SYT1: variants seen among roughly 807,000 people sequenced by gnomAD.
SYT1 encodes synaptotagmin 1.
In SYT1, 8 loss-of-function variants were observed where a neutral mutation model predicts 44.8. That is an observed-to-expected ratio of 0.18 (90% CI 0.10 to 0.32). The LOEUF is 0.32. Ranked by LOEUF, SYT1 falls within the 10% of genes least tolerant of loss-of-function variation. The probability of loss-of-function intolerance (pLI) is 1.00; values close to 1 mark genes in which losing one functional copy is unlikely to be tolerated. For missense variants in SYT1, 286 were observed against 509.3 expected (o/e 0.56, Z 4.22); for synonymous variants, 154 against 188.8 (o/e 0.82, Z 1.51).
chr12:79,382,228 A>G lies in SYT1; in HGVS notation c.928+28609A>G, dbSNP rs370420262. Among the ~76,000 whole-genome samples the G allele has an allele frequency of 2.5e-4, 38 of 152,274 alleles. No homozygotes were observed. The East Asian group carries it at 3.5e-3, about 14-fold the overall frequency. On this transcript the variant is annotated intron_variant, in intron 9 of 10. Transcript: ENST00000261205. The stretch of plus-strand genomic sequence containing the variant: ...AGGTTGAAGTGGAAGGCATTTCTTG[A>G]AAATATGATGCCTTTGCCTATAATG...
chr12:79,301,549 G>C (rs1307354454), intron 8 of SYT1, among the ~76,000 whole-genome samples: 2 of 152,072 alleles, frequency 1.3e-5, no homozygotes, highest in Non-Finnish European at 2.9e-5. Flanking sequence ...AAATAGAATA[G>C]AACATGAAGT....
chr12:79,012,030 G>A (rs545638163), intron 2 of SYT1, among the ~76,000 whole-genome samples: 257 of 151,742 alleles, frequency 1.7e-3, no homozygotes, highest in African/African-American at 5.9e-3. Flanking sequence ...TACTCGGGAG[G>A]CTGAGGCAGG....
intron 4 of SYT1, among the ~76,000 whole-genome samples, chr12:79,235,650 T>A (rs1246989624): frequency 6.7e-5 from 10 of 148,692 alleles, no homozygotes; most frequent in Non-Finnish European, 1.3e-4. Context: ...ATATAATGAT[T>A]ATATATAATG....
intron 9 of SYT1, among the ~76,000 whole-genome samples, chr12:79,426,698 C>T (rs939276715): frequency 2.0e-5 from 3 of 152,194 alleles, no homozygotes; most frequent in Non-Finnish European, 4.4e-5. Flanking sequence ...TACAGCCACA[C>T]AACAGAATGT....
At chr12:79,328,569 G>A (rs1240009985) in intron 8 of SYT1, among the ~76,000 whole-genome samples, 6 of 152,054 alleles carry the variant, frequency 3.9e-5, no homozygotes, top group East Asian at 1.9e-4. Flanking sequence ...ACTCATGGCC[G>A]GGTGCGGTGG....
chr12:79,340,986 A>T (rs959633340), intron 8 of SYT1, among the ~76,000 whole-genome samples: 1 of 152,142 alleles, frequency 6.6e-6, no homozygotes, highest in Non-Finnish European at 1.5e-5. Flanking sequence ...CTACAATTTT[A>T]TGTTGAATTT....
At position 79,291,517 on chromosome 12, in the gene SYT1, G is replaced by A. The variant is rs375147092; in HGVS notation, c.352-491G>A. 3.8e-4 allele frequency among the ~76,000 whole-genome samples: 58 copies of A among 152,218 alleles called. No individual in the cohort carries two copies. The South Asian group carries it at 0.012, about 30-fold the overall frequency. Reference sequence around the variant, plus strand: ...ACACAGGGAATTTAAATTTTCTGAGGATCATTACTGAACTATCTTTTTCAT... The same window carrying A: ...ACACAGGGAATTTAAATTTTCTGAGAATCATTACTGAACTATCTTTTTCAT... On this transcript the variant is annotated intron_variant, in intron 5 of 10. Coordinates refer to ENST00000261205, the MANE Select transcript of SYT1 (RefSeq NM_005639.3).
chr12:78,921,929 A>G (rs1877028854), intron 1 of SYT1, among the ~76,000 whole-genome samples: 1 of 151,934 alleles, frequency 6.6e-6, no homozygotes, highest in African/African-American at 2.4e-5. Context: ...AACCAGTAGA[A>G]GAGCAAATTT....
intron 1 of SYT1, among the ~76,000 whole-genome samples, chr12:78,878,975 T>A (rs897271405): frequency 1.1e-4 from 17 of 151,800 alleles, no homozygotes; most frequent in Non-Finnish European, 1.8e-4. Context: ...TTACCAGCAA[T>A]TATCTACTCT....
At chr12:79,216,761 G>A (rs1165424645) in intron 3 of SYT1, among the ~76,000 whole-genome samples, 1 of 151,994 alleles carries the variant, frequency 6.6e-6, no homozygotes, top group Non-Finnish European at 1.5e-5. Context: ...AATTAAATAA[G>A]CTAAATAAAG....
At chr12:79,305,855 C>T (rs1395260326) in intron 8 of SYT1, among the ~76,000 whole-genome samples, 2 of 152,110 alleles carry the variant, frequency 1.3e-5, no homozygotes, top group African/African-American at 4.8e-5. Context: ...TGCCACCATG[C>T]CCAGCTATTT....
At chr12:79,336,734 A>G (rs1882106832) in intron 8 of SYT1, among the ~76,000 whole-genome samples, 1 of 152,182 alleles carries the variant, frequency 6.6e-6, no homozygotes, top group Non-Finnish European at 1.5e-5. Context: ...GGCTCAAGCA[A>G]TCCTTCCACC....
intron 2 of SYT1, among the ~76,000 whole-genome samples, chr12:79,013,725 T>G (rs952448187): frequency 4.6e-5 from 7 of 152,224 alleles, no homozygotes; most frequent in Non-Finnish European, 8.8e-5. Flanking sequence ...ACTTTTATTC[T>G]AGATAGTTAT....
intron 1 of SYT1, among the ~76,000 whole-genome samples, chr12:78,941,521 A>G (rs1878375962): frequency 2.0e-5 from 3 of 152,114 alleles, no homozygotes; most frequent in Non-Finnish European, 4.4e-5. Context: ...CATCTACTGC[A>G]TGCTTTGCAA....
intron 2 of SYT1, among the ~76,000 whole-genome samples, chr12:79,026,667 T>TTTATATATATATATATATA (rs1298013189): frequency 3.9e-5 from 4 of 102,254 alleles, no homozygotes; most frequent in African/African-American, 7.6e-5. Context: ...CATATATATT[T>TTTATATATATATATATATA]TATATATATA....
chr12:79,373,253 T>A (rs567179817), intron 9 of SYT1, among the ~76,000 whole-genome samples: 3 of 152,334 alleles, frequency 2.0e-5, no homozygotes, highest in East Asian at 3.9e-4. Context: ...TCAGACATCT[T>A]TTAATGTTGA....
At chr12:79,183,713 G>A (rs1345562821) in intron 3 of SYT1, among the ~76,000 whole-genome samples, 2 of 151,930 alleles carry the variant, frequency 1.3e-5, no homozygotes, top group Admixed American at 6.6e-5. Flanking sequence ...TTGTTCCATG[G>A]GTAAACAGAG....
chr12:78,960,538 C>A (rs758387913), intron 1 of SYT1: 1 of 152,172 alleles, frequency 6.6e-6, no homozygotes, highest in Non-Finnish European at 1.5e-5. Flanking sequence ...CTAAATGTAA[C>A]AAACAAATGT....
intron 7 of SYT1, among the ~76,000 whole-genome samples, chr12:79,297,963 T>C (rs1879953562): frequency 1.3e-5 from 2 of 152,196 alleles, no homozygotes; most frequent in African/African-American, 4.8e-5. Flanking sequence ...GCTAGGTGTT[T>C]TACATATATT....
Sources: gnomAD v4.1 joint callset for allele counts (sites outside exome capture counted in the v4.1 genomes callset) on GRCh38, gnomAD v4.1.1 for gene constraint, MANE v1.5 for transcripts, NCBI Gene and HGNC (gene_info 2026-07-23, HGNC 2026-07-21) for gene names.